TIAM1: variants seen among roughly 807,000 people sequenced by gnomAD.
TIAM1 encodes rho guanine nucleotide exchange factor TIAM1.
TIAM1 carries 65 observed loss-of-function variants against 163.5 expected under a neutral mutation model. The observed-to-expected ratio is 0.40, with a 90% CI of 0.33 to 0.49. TIAM1 has a LOEUF of 0.49. TIAM1 is among the 20% of genes least tolerant of loss of function. The probability of loss-of-function intolerance (pLI) is 0.77; values close to 1 mark genes in which losing one functional copy is unlikely to be tolerated. For missense variants in TIAM1, 1,789 were observed against 2,044.7 expected, an observed-to-expected ratio of 0.87 and a Z score of 2.41; for synonymous variants, 833 against 810.1, an observed-to-expected ratio of 1.03 and a Z score of -0.48.
At chr21:31,252,908 C>T (rs75395389) in intron 4 of TIAM1, among the ~76,000 whole-genome samples, 297 of 152,352 alleles carry the variant, frequency 1.9e-3, no homozygotes, top group African/African-American at 6.9e-3. Context: ...CCTTTCAAAG[C>T]TGGGATGCTA....
chr21:31,192,336 G>C (rs1219131878), intron 13 of TIAM1, among the ~76,000 whole-genome samples: 2 of 152,126 alleles, frequency 1.3e-5, no homozygotes, highest in Non-Finnish European at 2.9e-5. Context: ...TAATAACCTG[G>C]GCCAGGCACA....
chr21:31,160,130 C>CA lies in TIAM1; in HGVS notation c.2991+4831dup, dbSNP rs566438820. ...AAAATCTCAATAACCAAAACAAAGG[C>CA]AAAAAATGCAACTGACCATTAATTA... On this transcript the variant is annotated intron_variant, in intron 16 of 27. Transcript: ENST00000541036. Among the ~76,000 whole-genome samples the CA allele has an allele frequency of 4.7e-3, 713 of 152,086 alleles. 8 individuals carry two copies. The highest frequency in any genetic ancestry group is 0.016 in the African/African-American group (669 of 41,518).
Position 31,119,300 on chromosome 21 carries a change from G to C in TIAM1, c.*1068C>G, listed in dbSNP as rs2081916375. 1 of 152,496 alleles carries C rather than the reference G, an allele frequency of 6.6e-6. No homozygotes were observed. The highest frequency in any genetic ancestry group is 1.5e-5 in the Non-Finnish European group (1 of 68,012). 9.4% of individuals were successfully genotyped at this position (152,496 alleles called of 1,614,324 possible). Reference sequence around the variant, plus strand: ...GTTATGGACTGTCAGGGAAGGGGAAGGTAATCTATGGATGAAGATGCAATT... The same window carrying C: ...GTTATGGACTGTCAGGGAAGGGGAACGTAATCTATGGATGAAGATGCAATT... On this transcript the variant is annotated 3_prime_UTR_variant, in exon 28 of 28. Transcript: ENST00000541036.
intron 4 of TIAM1, among the ~76,000 whole-genome samples, chr21:31,264,756 G>A (rs1569129682): frequency 1.3e-5 from 2 of 152,166 alleles, no homozygotes; most frequent in Admixed American, 1.3e-4. Flanking sequence ...GACTTGCACT[G>A]GAGCAAGGCT....
intron 2 of TIAM1, among the ~76,000 whole-genome samples, chr21:31,402,910 C>T (rs1359763217): frequency 6.6e-6 from 1 of 152,034 alleles, no homozygotes; most frequent in Non-Finnish European, 1.5e-5. Context: ...CAAGATCATG[C>T]CACTGCACTC....
chr21:31,536,710 G>T (rs904886235), intron 1 of TIAM1, among the ~76,000 whole-genome samples: 2 of 152,190 alleles, frequency 1.3e-5, no homozygotes, highest in Non-Finnish European at 2.9e-5. Flanking sequence ...AACAGGGCAT[G>T]GGCACGAGCC....
At chr21:31,298,765 T>TGA (rs1382710690) in intron 2 of TIAM1, among the ~76,000 whole-genome samples, 20 of 134,018 alleles carry the variant, frequency 1.5e-4, no homozygotes, top group African/African-American at 6.1e-4. Flanking sequence ...TGTGTGTGTG[T>TGA]GTGAGAAACA....
At chr21:31,128,789 T>A (rs2082303199) in intron 25 of TIAM1, among the ~76,000 whole-genome samples, 1 of 152,216 alleles carries the variant, frequency 6.6e-6, no homozygotes, top group Non-Finnish European at 1.5e-5. Context: ...GGTTTTTGCA[T>A]TTGAGTTTTC....
intron 1 of TIAM1, among the ~76,000 whole-genome samples, chr21:31,501,759 C>A (rs1180975612): frequency 6.6e-6 from 1 of 152,176 alleles, no homozygotes; most frequent in South Asian, 2.1e-4. Flanking sequence ...TCTACCACCA[C>A]GCCTGGCTAA....
intron 27 of TIAM1, chr21:31,124,270 A>G: frequency 2.6e-6 from 1 of 382,964 alleles, no homozygotes; most frequent in East Asian, 4.2e-5. Context: ...GGAGCTCACC[A>G]GCCAAAAGGA....
intron 1 of TIAM1, among the ~76,000 whole-genome samples, chr21:31,520,434 G>C (rs2147493476): frequency 6.6e-6 from 1 of 152,164 alleles, no homozygotes; most frequent in East Asian, 1.9e-4. Context: ...AGAATAATAG[G>C]TTTTTGAGTG....
At chr21:31,413,664 T>C (rs1443566840) in intron 2 of TIAM1, among the ~76,000 whole-genome samples, 1 of 152,142 alleles carries the variant, frequency 6.6e-6, no homozygotes, top group African/African-American at 2.4e-5. Context: ...TGATTATCAT[T>C]CTGCTCCATT....
At chr21:31,178,304 T>TA (rs2084860473) in intron 15 of TIAM1, among the ~76,000 whole-genome samples, 1 of 6,426 alleles carries the variant, frequency 1.6e-4, no homozygotes, top group Non-Finnish European at 6.4e-4. Context: ...TCAGGAATTC[T>TA]TTTTTTTTTT....
At chr21:31,284,443 A>C (rs78897078) in intron 2 of TIAM1, among the ~76,000 whole-genome samples, 1,703 of 152,328 alleles carry the variant, frequency 0.011, 14 homozygotes, top group Middle Eastern at 0.027. Context: ...TTCCTAGGAC[A>C]CACAGCAGGG....
chr21:31,554,612 T>G (rs2048808973), intron 1 of TIAM1, among the ~76,000 whole-genome samples: 1 of 152,162 alleles, frequency 6.6e-6, no homozygotes. Flanking sequence ...GAAAGAAACT[T>G]CCTCCCACAG....
At chr21:31,325,891 G>A (rs527825825) in intron 2 of TIAM1, among the ~76,000 whole-genome samples, 54 of 152,188 alleles carry the variant, frequency 3.5e-4, no homozygotes, top group African/African-American at 1.3e-3. Flanking sequence ...ATGCAACTGC[G>A]AATAAAAGCA....
At chr21:31,540,994 A>C (rs915731372) in intron 1 of TIAM1, among the ~76,000 whole-genome samples, 4 of 152,228 alleles carry the variant, frequency 2.6e-5, no homozygotes, top group African/African-American at 9.6e-5. Flanking sequence ...GGATATATAC[A>C]TCAACTGATG....
intron 2 of TIAM1, among the ~76,000 whole-genome samples, chr21:31,368,204 T>C (rs1415769469): frequency 1.3e-5 from 2 of 152,236 alleles, no homozygotes; most frequent in African/African-American, 2.4e-5. Context: ...TAAGGGAAAC[T>C]ATTTAAGACA....
intron 2 of TIAM1, among the ~76,000 whole-genome samples, chr21:31,445,371 A>T (rs548463652): frequency 7.9e-5 from 12 of 152,112 alleles, no homozygotes; most frequent in African/African-American, 2.9e-4. Context: ...TTCTTTAACC[A>T]CAGTTCTTCT....
Sources: allele counts gnomAD v4.1 joint callset (sites outside exome capture counted in the v4.1 genomes callset), GRCh38; gene constraint gnomAD v4.1.1; transcripts MANE v1.5; gene names NCBI Gene and HGNC (gene_info 2026-07-23, HGNC 2026-07-21).